The following LRRTM4 variants were observed in gnomAD, a reference collection of about 807,000 sequenced individuals.
LRRTM4 encodes leucine rich repeat transmembrane neuronal 4, also known as leucine-rich repeat transmembrane neuronal protein 4.
In LRRTM4, 25 loss-of-function variants were observed where a neutral mutation model predicts 47.6. The observed-to-expected ratio is 0.53, with a 90% CI of 0.38 to 0.73. The LOEUF (loss-of-function observed/expected upper bound fraction) is 0.73, where lower values mean the gene tolerates loss of function less well. Among genes scored for constraint, LRRTM4 ranks in the 30% least tolerant of loss-of-function variants. The probability of loss-of-function intolerance (pLI) is 0.00; values close to 1 mark genes in which losing one functional copy is unlikely to be tolerated. For missense variants in LRRTM4, 638 were observed against 713.4 expected, an observed-to-expected ratio of 0.89 and a Z score of 1.20; for synonymous variants, 311 against 269.5, an observed-to-expected ratio of 1.15 and a Z score of -1.51.
chr2:77,171,198 A>T (rs1212060479), intron 3 of LRRTM4, among the ~76,000 whole-genome samples: 1 of 152,124 alleles, frequency 6.6e-6, no homozygotes, highest in Non-Finnish European at 1.5e-5. Context: ...GAGATTTAGC[A>T]TGCTAGTTTA....
intron 3 of LRRTM4, among the ~76,000 whole-genome samples, chr2:77,271,182 T>C (rs937960509): frequency 2.6e-5 from 4 of 152,154 alleles, no homozygotes; most frequent in Non-Finnish European, 4.4e-5. Context: ...CTCATTCTTC[T>C]TGGACGCCAG....
At chr2:77,118,078 T>C (rs1200842099) in intron 3 of LRRTM4, among the ~76,000 whole-genome samples, 1 of 151,958 alleles carries the variant, frequency 6.6e-6, no homozygotes, top group East Asian at 1.9e-4. Flanking sequence ...ATTTGTTGTC[T>C]TCAGGAAATC....
At position 77,131,765 on chromosome 2, in the gene LRRTM4, C is replaced by A. The variant is rs183737835; in HGVS notation, c.1552-382849G>T. Among the ~76,000 whole-genome samples the A allele has an allele frequency of 4.8e-3, 735 of 152,182 alleles. 4 individuals carry two copies. The highest frequency in any genetic ancestry group is 0.024 in the Middle Eastern group (7 of 294). The stretch of plus-strand genomic sequence containing the variant: ...TTTCAATAAACTTCCTGTGAATATA[C>A]CTGACTAGTAAATACTTAGGAGGAA... On this transcript the variant is annotated intron_variant, in intron 3 of 3. Coordinates refer to ENST00000409884, the MANE Select transcript of LRRTM4 (RefSeq NM_001134745.3).
chr2:77,307,653 TATTATAGAAATATAAATATATAG>T (rs1677324096), intron 3 of LRRTM4, among the ~76,000 whole-genome samples: 1 of 52,662 alleles, frequency 1.9e-5, no homozygotes, highest in Non-Finnish European at 2.7e-5. Context: ...TATATCTATA[TATTATAGAAATATAAATATATAG>T]ATATATCTAT....
chr2:77,260,378 T>TGC, intron 3 of LRRTM4, among the ~76,000 whole-genome samples: 1 of 123,776 alleles, frequency 8.1e-6, no homozygotes, highest in South Asian at 2.3e-4. Context: ...AAAAATCGTG[T>TGC]GTGTGTGTGT....
At chr2:77,282,307 G>A (rs1470780243) in intron 3 of LRRTM4, among the ~76,000 whole-genome samples, 2 of 151,810 alleles carry the variant, frequency 1.3e-5, no homozygotes, top group African/African-American at 4.8e-5. Context: ...AAACTTTACT[G>A]AAGTTGTTTA....
At chr2:76,859,588 G>A (rs1013814579) in intron 3 of LRRTM4, among the ~76,000 whole-genome samples, 1 of 152,006 alleles carries the variant, frequency 6.6e-6, no homozygotes, top group Admixed American at 6.6e-5. Flanking sequence ...ACCTATGACA[G>A]TATGTGATTA....
At chr2:77,281,979 T>C (rs903693336) in intron 3 of LRRTM4, among the ~76,000 whole-genome samples, 5 of 151,922 alleles carry the variant, frequency 3.3e-5, no homozygotes, top group African/African-American at 1.2e-4. Flanking sequence ...GAACAAATTA[T>C]GTTGGTAGTT....
chr2:76,828,380 G>T (rs1671244330), intron 3 of LRRTM4, among the ~76,000 whole-genome samples: 1 of 151,892 alleles, frequency 6.6e-6, no homozygotes, highest in Non-Finnish European at 1.5e-5. Flanking sequence ...AATATGAAGT[G>T]GAAGCAATAT....
At chr2:77,111,491 GAA>G (rs1671248852) in intron 3 of LRRTM4, among the ~76,000 whole-genome samples, 1 of 151,862 alleles carries the variant, frequency 6.6e-6, no homozygotes, top group Non-Finnish European at 1.5e-5. Context: ...ACCAAAGTGC[GAA>G]AATATTAAAT....
At chr2:77,237,972 C>T (rs1343314264) in intron 3 of LRRTM4, among the ~76,000 whole-genome samples, 2 of 152,014 alleles carry the variant, frequency 1.3e-5, no homozygotes, top group African/African-American at 2.4e-5. Context: ...TGATAATAAA[C>T]TGGTTGCTAT....
chr2:77,255,665 A>G lies in LRRTM4; in HGVS notation c.1551+262653T>C, dbSNP rs181473103. ...TGGAAATTAAATCACACTTCTAAAT[A>G]ATCCATGTGTCGAATAGAATATCCC... On this transcript the variant is annotated intron_variant, in intron 3 of 3. Transcript: ENST00000409884. Among the ~76,000 whole-genome samples, 288 of 152,208 alleles carry G rather than the reference A, an allele frequency of 1.9e-3. 1 individual carries two copies. Among genetic ancestry groups the G allele is most frequent in the Non-Finnish European group, 2.5e-3 (173 of 67,972 alleles).
At chr2:77,013,875 A>G (rs746937257) in intron 3 of LRRTM4, among the ~76,000 whole-genome samples, 1 of 152,232 alleles carries the variant, frequency 6.6e-6, no homozygotes, top group Non-Finnish European at 1.5e-5. Flanking sequence ...TTTCAACTGG[A>G]CAGGTTACCT....
At chr2:77,394,850 C>T (rs1673638519) in intron 3 of LRRTM4, among the ~76,000 whole-genome samples, 1 of 151,896 alleles carries the variant, frequency 6.6e-6, no homozygotes, top group South Asian at 2.1e-4. Flanking sequence ...GGTTGGTGGT[C>T]TCTTATCAGA....
intron 3 of LRRTM4, among the ~76,000 whole-genome samples, chr2:76,852,399 T>C (rs913065139): frequency 2.6e-5 from 4 of 152,130 alleles, no homozygotes; most frequent in African/African-American, 7.2e-5. Context: ...ACTATGCAAA[T>C]TGTAGGCTTA....
At chr2:76,750,527 C>T (rs1483990557) in intron 3 of LRRTM4, among the ~76,000 whole-genome samples, 1 of 152,150 alleles carries the variant, frequency 6.6e-6, no homozygotes, top group Non-Finnish European at 1.5e-5. Context: ...TTGTCAGTCT[C>T]CCGACTGGAC....
Position 77,128,943 on chromosome 2 carries a change from G to A in LRRTM4, c.1552-380027C>T, listed in dbSNP as rs554157556. On this transcript the variant is annotated intron_variant, in intron 3 of 3. Transcript: ENST00000409884. ...GCATAAGCTACCACACCCCATCTAC[G>A]CTGACATTTTTATATTTGAAAAGTG... is the stretch of plus-strand genomic sequence containing the variant. Among the ~76,000 whole-genome samples the A allele has an allele frequency of 1.2e-3, 175 of 152,142 alleles. 1 individual carries two copies. Among genetic ancestry groups the A allele is most frequent in the Middle Eastern group, 3.4e-3 (1 of 294 alleles).
chr2:76,908,092 C>T (rs543394045), intron 3 of LRRTM4, among the ~76,000 whole-genome samples: 3,709 of 151,542 alleles, frequency 0.024, 157 homozygotes, highest in African/African-American at 0.086. Context: ...CAAAAATCCT[C>T]AATAAAATAC....
intron 3 of LRRTM4, among the ~76,000 whole-genome samples, chr2:77,167,007 G>C (rs184177509): frequency 9.2e-5 from 14 of 152,242 alleles, no homozygotes; most frequent in Non-Finnish European, 1.6e-4. Flanking sequence ...ACTACCATCA[G>C]AGTGAAGAGG....
Sources: allele counts gnomAD v4.1 joint callset (sites outside exome capture counted in the v4.1 genomes callset), GRCh38; gene constraint gnomAD v4.1.1; transcripts MANE v1.5; gene names NCBI Gene and HGNC (gene_info 2026-07-23, HGNC 2026-07-21).